Variants in EPHB2 observed in about 807,000 individuals in gnomAD.
EPHB2 encodes EPH receptor B2, also known as ephrin type-B receptor 2.
In EPHB2, 18 loss-of-function variants were observed where a neutral mutation model predicts 96.4. The ratio of observed to expected loss-of-function variants is 0.19; its 90% CI spans 0.13 to 0.28. The LOEUF is 0.28. Among genes scored for constraint, EPHB2 ranks in the 10% least tolerant of loss-of-function variants. The pLI is 1.00. For synonymous variants in EPHB2, 506 were observed against 534.1 expected (o/e 0.95, Z 0.72); for missense variants, 989 against 1,355.4 (o/e 0.73, Z 4.25).
chr1:22,754,734 G>A (rs1481571883), intron 1 of EPHB2, among the ~76,000 whole-genome samples: 7 of 143,812 alleles, frequency 4.9e-5, no homozygotes, highest in Admixed American at 3.5e-4. Context: ...TGTGTCAGGA[G>A]GCAGAGGCTC....
chr1:22,820,779 C>T (rs1398468347), intron 3 of EPHB2, among the ~76,000 whole-genome samples: 1 of 152,236 alleles, frequency 6.6e-6, no homozygotes, highest in Non-Finnish European at 1.5e-5. Flanking sequence ...CTTGGAACTA[C>T]ACCAAGAAGT....
intron 1 of EPHB2, among the ~76,000 whole-genome samples, chr1:22,723,819 A>G (rs1349845432): frequency 6.6e-6 from 1 of 152,260 alleles, no homozygotes; most frequent in Non-Finnish European, 1.5e-5. Flanking sequence ...CAGTTGTTTT[A>G]CCAAGCCTCT....
In EPHB2 at chr1:22,860,691, C is replaced by G. The variant is rs905337349; in HGVS notation, c.812-2346C>G. Among the ~76,000 whole-genome samples, 1 of 152,112 alleles carries G rather than the reference C, an allele frequency of 6.6e-6. No individual in the cohort carries two copies. Among genetic ancestry groups the G allele is most frequent in the Non-Finnish European group, 1.5e-5 (1 of 68,018 alleles). On this transcript the variant is annotated intron_variant, in intron 3 of 15. Coordinates refer to ENST00000374630, the MANE Select transcript of EPHB2 (RefSeq NM_017449.5). This position sits in a 1 kb window ranked among gnomAD's most constrained non-coding sequence, Gnocchi z 4.6. ...GTCTCCAGAGAGGGAGCAGGAGGAG[C>G]CTGATCTTGGGGCCAAAACCCTTTG...
chr1:22,895,697 G>A lies in EPHB2; in HGVS notation c.1700+117G>A, dbSNP rs1366892320. 3.1e-6 allele frequency: 3 copies of A among 970,032 alleles called. No homozygotes were observed. In the African/African-American group the frequency reaches 4.8e-5, roughly 16 times the overall value. 60.1% of individuals were successfully genotyped at this position (970,032 alleles called of 1,614,324 possible). A position where few individuals can be genotyped will look rare whatever the true frequency, so the allele number is the denominator to read the frequency against. ...GAGGAGGCATTCTCACAATTGCAGGGAGAGATGTGGGTAGGAAGTGGAAGG... is the reference window on the plus strand; with the variant it reads ...GAGGAGGCATTCTCACAATTGCAGGAAGAGATGTGGGTAGGAAGTGGAAGG... On this transcript the variant is annotated intron_variant, in intron 8 of 15. Coordinates refer to ENST00000374630, the MANE Select transcript of EPHB2 (RefSeq NM_017449.5).
chr1:22,883,925 T>C (rs2148553458), intron 6 of EPHB2, among the ~76,000 whole-genome samples: 1 of 152,232 alleles, frequency 6.6e-6, no homozygotes, highest in African/African-American at 2.4e-5. Flanking sequence ...TCCTTTCCCT[T>C]GTGCCCTGGC....
At chr1:22,882,608 C>T in intron 6 of EPHB2, 125 bp downstream of exon 6, 2 of 1,489,136 alleles carry the variant, frequency 1.3e-6, no homozygotes, top group Non-Finnish European at 1.8e-6. Flanking sequence ...AGAGCACTGG[C>T]CTTGGAGTCA....
chr1:22,797,229 A>G (rs1003704240), intron 3 of EPHB2, among the ~76,000 whole-genome samples: 3 of 152,080 alleles, frequency 2.0e-5, no homozygotes, highest in African/African-American at 7.2e-5. Context: ...GAACACATTG[A>G]TATCAGACAT....
intron 3 of EPHB2, among the ~76,000 whole-genome samples, chr1:22,833,221 G>A (rs988283697): frequency 2.6e-5 from 4 of 152,012 alleles, no homozygotes; most frequent in African/African-American, 7.3e-5. Flanking sequence ...AGGTTCCAGC[G>A]ATTCTCCTGC....
chr1:22,845,221 A>G lies in EPHB2; in HGVS notation c.812-17816A>G, dbSNP rs1342497328. Among the ~76,000 whole-genome samples, 6 of 152,234 alleles carry G rather than the reference A, an allele frequency of 3.9e-5. No individual in the cohort carries two copies. The East Asian group carries it at 1.2e-3, about 29-fold the overall frequency. On this transcript the variant is annotated intron_variant, in intron 3 of 15. Transcript: ENST00000374630. The stretch of plus-strand genomic sequence containing the variant: ...AAGCGACTTACCTCTCTGTGCCTGT[A>G]TCCCTTGTAAGTGGGGATAATTATA...
intron 3 of EPHB2, among the ~76,000 whole-genome samples, chr1:22,795,914 A>G (rs1026988961): frequency 3.3e-5 from 5 of 150,644 alleles, no homozygotes; most frequent in Non-Finnish European, 5.9e-5. Flanking sequence ...CCATCCACAC[A>G]CTCCTCTTCA....
intron 2 of EPHB2, among the ~76,000 whole-genome samples, chr1:22,782,435 GC>G (rs1267637476): frequency 1.9e-5 from 2 of 107,886 alleles, no homozygotes; most frequent in African/African-American, 3.9e-5. Context: ...CTGGGACTCA[GC>G]TGCTGCCCCA....
rs150277598 is a variant in EPHB2, at chr1:22,877,355, A to T, written c.1304-5004A>T. ...TGAAGTGAGTTAACGGATGTGAAGC[A>T]TGTGGTTTGCTGTTAGCTGCGCGGC... On this transcript the variant is annotated intron_variant, in intron 5 of 15. Coordinates refer to ENST00000374630, the MANE Select transcript of EPHB2 (RefSeq NM_017449.5). 5.4e-4 allele frequency among the ~76,000 whole-genome samples: 82 copies of T among 152,340 alleles called. 1 individual carries two copies. The highest frequency in any genetic ancestry group is 1.8e-3 in the African/African-American group (76 of 41,576).
At chr1:22,825,542 C>T (rs75104565) in intron 3 of EPHB2, among the ~76,000 whole-genome samples, 1 of 152,204 alleles carries the variant, frequency 6.6e-6, no homozygotes, top group Non-Finnish European at 1.5e-5. Flanking sequence ...GCTTACACCT[C>T]ACTCCCATCC....
intron 3 of EPHB2, among the ~76,000 whole-genome samples, chr1:22,824,753 G>A (rs768127375): frequency 2.0e-5 from 3 of 152,326 alleles, no homozygotes; most frequent in African/African-American, 4.8e-5. Flanking sequence ...TTAGTCTCGC[G>A]CTAATCTGCT....
At chr1:22,816,596 C>T (rs773489096) in intron 3 of EPHB2, among the ~76,000 whole-genome samples, 2 of 152,154 alleles carry the variant, frequency 1.3e-5, no homozygotes, top group African/African-American at 2.4e-5. Flanking sequence ...GGACCCCTTG[C>T]GGTTCCCTCT....
intron 1 of EPHB2, among the ~76,000 whole-genome samples, chr1:22,776,538 G>C (rs1483145350): frequency 3.9e-5 from 6 of 152,222 alleles, no homozygotes; most frequent in Admixed American, 3.9e-4. Context: ...GAGGCAGCTC[G>C]AGGGAGCCCA....
At chr1:22,892,705 G>A in intron 6 of EPHB2, 179 bp from the exon 7 acceptor site, 3 of 821,898 alleles carry the variant, frequency 3.7e-6, no homozygotes, top group Non-Finnish European at 6.4e-6. Context: ...TTTGTGGGCA[G>A]TGTTGAAAAG....
intron 3 of EPHB2, among the ~76,000 whole-genome samples, chr1:22,807,678 C>T (rs1270995048): frequency 2.0e-5 from 3 of 148,900 alleles, no homozygotes; most frequent in African/African-American, 7.8e-5. Flanking sequence ...TGGCAGTGCC[C>T]TACAATGGTG....
chr1:22,886,011 T>C (rs1639212733), intron 6 of EPHB2, among the ~76,000 whole-genome samples: 1 of 152,062 alleles, frequency 6.6e-6, no homozygotes, highest in Admixed American at 6.5e-5. Flanking sequence ...CTCGGAGGCC[T>C]CAGGGACTTC....
Sources: gnomAD v4.1 joint callset for allele counts (sites outside exome capture counted in the v4.1 genomes callset) on GRCh38, gnomAD v4.1.1 for gene constraint, Gnocchi (gnomAD v3.1) non-coding constraint, MANE v1.5 for transcripts, NCBI Gene and HGNC (gene_info 2026-07-23, HGNC 2026-07-21) for gene names.